Variants in SLC35A1 observed in about 807,000 individuals in gnomAD.
SLC35A1 encodes the protein solute carrier family 35 member A1.
SLC35A1 carries 21 observed loss-of-function variants against 40.3 expected under a neutral mutation model. The ratio of observed to expected loss-of-function variants is 0.52; its 90% CI spans 0.37 to 0.75. SLC35A1 has a LOEUF of 0.75. Ranked by LOEUF, SLC35A1 falls within the 30% of genes least tolerant of loss-of-function variation. SLC35A1 has a pLI of 0.00. For synonymous variants in SLC35A1, 146 were observed against 147.3 expected (o/e 0.99, Z 0.06); for missense variants, 297 against 382.1 (o/e 0.78, Z 1.86).
At chr6:87,511,306 A>C in intron 7 of SLC35A1, 93 bp from the exon 8 acceptor site, 1 of 1,341,782 alleles carries the variant, frequency 7.5e-7, no homozygotes, top group Non-Finnish European at 1.1e-6. Context: ...GATAGTGTAA[A>C]CCCACAATTA....
chr6:87,494,074 CTTT>C (rs71018023), intron 2 of SLC35A1, among the ~76,000 whole-genome samples: 3 of 148,564 alleles, frequency 2.0e-5, no homozygotes, highest in Non-Finnish European at 1.5e-5. Context: ...CCCCACTTTC[CTTT>C]TTTTTTTTTT....
intron 4 of SLC35A1, among the ~76,000 whole-genome samples, chr6:87,503,732 T>C (rs1174069115): frequency 6.6e-6 from 1 of 152,054 alleles, no homozygotes; most frequent in African/African-American, 2.4e-5. Context: ...ATAATAACAA[T>C]AATATGCAAG....
Position 87,491,307 on chromosome 6 carries a change from T to C in SLC35A1, c.195-9201T>C, listed in dbSNP as rs118029301. On this transcript the variant is annotated intron_variant, in intron 2 of 7. Transcript: ENST00000369552. ...ACATTTCAGATTTTGAATTTTCAGA[T>C]TTGGGCTACTCAACCTTTATCTTCA... Among the ~76,000 whole-genome samples the C allele has an allele frequency of 2.5e-4, 38 of 152,322 alleles. 1 individual carries two copies. The East Asian group carries it at 7.3e-3, about 29-fold the overall frequency.
chr6:87,494,877 T>A (rs116705617), intron 2 of SLC35A1, among the ~76,000 whole-genome samples: 300 of 152,334 alleles, frequency 2.0e-3, no homozygotes, highest in African/African-American at 7.0e-3. Flanking sequence ...ATCACAGCTG[T>A]TAACACTAAC....
At chr6:87,505,999 A>C (rs141926963) in intron 4 of SLC35A1, among the ~76,000 whole-genome samples, 48 of 152,334 alleles carry the variant, frequency 3.2e-4, no homozygotes, top group African/African-American at 1.1e-3. Context: ...AATAAGTTAA[A>C]TTGTTATCAT....
chr6:87,479,070 G>GA (rs1769171203), intron 2 of SLC35A1, among the ~76,000 whole-genome samples: 1 of 152,220 alleles, frequency 6.6e-6, no homozygotes, highest in Non-Finnish European at 1.5e-5. Flanking sequence ...TCAGGGTGGA[G>GA]AGGGTAATCA....
intron 2 of SLC35A1, 103 bp downstream of exon 2, chr6:87,477,642 C>G: frequency 1.0e-6 from 1 of 1,004,654 alleles, no homozygotes. Flanking sequence ...TGCTCTGGGT[C>G]AGTGTTTCTC....
At chr6:87,497,883 C>T (rs1769790653) in intron 2 of SLC35A1, among the ~76,000 whole-genome samples, 1 of 147,354 alleles carries the variant, frequency 6.8e-6, no homozygotes, top group Non-Finnish European at 1.5e-5. Flanking sequence ...CATGTGCCAC[C>T]ACTCCTGGCA....
At chr6:87,510,916 T>C (rs993984587) in intron 7 of SLC35A1, among the ~76,000 whole-genome samples, 1 of 151,838 alleles carries the variant, frequency 6.6e-6, no homozygotes, top group Non-Finnish European at 1.5e-5. Context: ...GTAGGAAATG[T>C]AGTTTTATTC....
At chr6:87,507,986 A>T (rs1393241804) in intron 5 of SLC35A1, among the ~76,000 whole-genome samples, 1 of 152,060 alleles carries the variant, frequency 6.6e-6, no homozygotes, top group African/African-American at 2.4e-5. Context: ...GTGATTATAG[A>T]TTATATTGCA....
chr6:87,497,134 ATC>A (rs1220017949), intron 2 of SLC35A1, among the ~76,000 whole-genome samples: 1 of 150,706 alleles, frequency 6.6e-6, no homozygotes, highest in African/African-American at 2.4e-5. Flanking sequence ...TACCTCCTAA[ATC>A]TCCTCTACTT....
At chr6:87,488,091 G>C (rs1437812253) in intron 2 of SLC35A1, 1 of 152,142 alleles carries the variant, frequency 6.6e-6, no homozygotes, top group Non-Finnish European at 1.5e-5. Context: ...GATATCAACA[G>C]TTTGATTTTG....
At chr6:87,494,351 A>C (rs1769651766) in intron 2 of SLC35A1, among the ~76,000 whole-genome samples, 1 of 151,972 alleles carries the variant, frequency 6.6e-6, no homozygotes, top group Non-Finnish European at 1.5e-5. Context: ...GTTTTGAGGG[A>C]GGGGCAGATT....
At chr6:87,478,827 C>G (rs559912446) in intron 2 of SLC35A1, among the ~76,000 whole-genome samples, 34 of 152,296 alleles carry the variant, frequency 2.2e-4, no homozygotes, top group South Asian at 1.9e-3. Flanking sequence ...AGTTTTCCTT[C>G]TATAGAAGGG....
At chr6:87,483,419 T>C (rs1769300869) in intron 2 of SLC35A1, among the ~76,000 whole-genome samples, 1 of 152,108 alleles carries the variant, frequency 6.6e-6, no homozygotes, top group South Asian at 2.1e-4. Context: ...GAGGTTTCTG[T>C]GAGGTTCAGC....
chr6:87,486,859 T>A (rs957186283), intron 2 of SLC35A1, among the ~76,000 whole-genome samples: 1 of 152,094 alleles, frequency 6.6e-6, no homozygotes, highest in African/African-American at 2.4e-5. Flanking sequence ...GGATTTTAGA[T>A]TTAATCTGAA....
At chr6:87,510,454 C>CT (rs1329938562) in intron 7 of SLC35A1, among the ~76,000 whole-genome samples, 1 of 152,044 alleles carries the variant, frequency 6.6e-6, no homozygotes, top group East Asian at 1.9e-4. Flanking sequence ...CTACCTTCTC[C>CT]TTTTTTGAAG....
intron 2 of SLC35A1, among the ~76,000 whole-genome samples, chr6:87,493,307 T>C (rs1174871483): frequency 1.3e-5 from 2 of 152,206 alleles, no homozygotes; most frequent in Non-Finnish European, 2.9e-5. Context: ...TCTTCAAGGA[T>C]CCTTTATTCC....
chr6:87,493,591 AT>A, intron 2 of SLC35A1, among the ~76,000 whole-genome samples: 1 of 152,080 alleles, frequency 6.6e-6, no homozygotes, highest in East Asian at 1.9e-4. Flanking sequence ...AATGGTGAGG[AT>A]TCTAGCTCCC....
Sources: allele counts gnomAD v4.1 joint callset (sites outside exome capture counted in the v4.1 genomes callset), GRCh38; gene constraint gnomAD v4.1.1; transcripts MANE v1.5; gene names NCBI Gene and HGNC (gene_info 2026-07-23, HGNC 2026-07-21).